Variants in FSHR observed in about 807,000 individuals in gnomAD.
The protein encoded by FSHR is follicle-stimulating hormone receptor.
FSHR carries 46 observed loss-of-function variants against 52.1 expected under a neutral mutation model. That is an observed-to-expected ratio of 0.88 (90% CI 0.70 to 1.13). The LOEUF (loss-of-function observed/expected upper bound fraction) is 1.13. FSHR is among the 50% of genes most tolerant of loss of function. The probability of loss-of-function intolerance (pLI) is 0.00; values close to 1 mark genes in which losing one functional copy is unlikely to be tolerated. For synonymous variants in FSHR, 399 were observed against 309.6 expected (o/e 1.29, Z -3.03); for missense variants, 964 against 834.6 (o/e 1.16, Z -1.91).
intron 1 of FSHR, among the ~76,000 whole-genome samples, chr2:49,078,198 T>C (rs916946020): frequency 6.6e-6 from 1 of 152,214 alleles, no homozygotes; most frequent in Non-Finnish European, 1.5e-5. Context: ...CTCACAATCA[T>C]GGTGGAAAGC....
intron 8 of FSHR, among the ~76,000 whole-genome samples, chr2:48,981,090 G>A (rs532758446): frequency 1.3e-5 from 2 of 152,232 alleles, no homozygotes; most frequent in African/African-American, 4.8e-5. Context: ...TTTGTCTCCC[G>A]AGTACTCTAA....
chr2:49,021,857 C>CTATATATA (rs1218938323), intron 2 of FSHR, among the ~76,000 whole-genome samples: 1 of 37,700 alleles, frequency 2.7e-5, no homozygotes, highest in African/African-American at 1.1e-4. Flanking sequence ...CTCTCTCTCT[C>CTATATATA]TCTCTCTATA....
rs918837010 is a variant in FSHR at position 48,962,489 on chromosome 2, C to CAT, written c.*242_*243dup. ...CTTTGAACATAACGTGCAAAAATAA[C>CAT]ATATATAAGGATAAAATATGTAATA... On this transcript the variant is annotated 3_prime_UTR_variant, in exon 10 of 10. Coordinates refer to ENST00000406846, the MANE Select transcript of FSHR (RefSeq NM_000145.4). 2 of 495,166 alleles carry CAT rather than the reference C, an allele frequency of 4.0e-6. No individual in the cohort carries two copies. Among genetic ancestry groups the CAT allele is most frequent in the African/African-American group, 3.9e-5 (2 of 51,630 alleles). 30.7% of individuals were successfully genotyped at this position (495,166 alleles called of 1,614,324 possible).
intron 2 of FSHR, among the ~76,000 whole-genome samples, chr2:49,058,789 A>C (rs1376524212): frequency 1.3e-5 from 2 of 152,224 alleles, no homozygotes; most frequent in African/African-American, 4.8e-5. Flanking sequence ...AACACTAATG[A>C]GGTAAATTGA....
intron 2 of FSHR, among the ~76,000 whole-genome samples, chr2:49,061,569 C>T (rs11125203): frequency 0.35 from 49,434 of 142,336 alleles, 9,168 homozygotes; most frequent in East Asian, 0.49. Context: ...TATAAATATA[C>T]ATATTTAGAT....
intron 2 of FSHR, among the ~76,000 whole-genome samples, chr2:49,065,058 G>C (rs768283356): frequency 6.6e-6 from 1 of 152,084 alleles, no homozygotes; most frequent in Non-Finnish European, 1.5e-5. Context: ...ATTGTCCAAA[G>C]AACAAGCTGT....
At chr2:49,127,878 TTCTTCTTCTTCTTCTTCTTC>T (rs1558456998) in intron 1 of FSHR, among the ~76,000 whole-genome samples, 1,380 of 49,768 alleles carry the variant, frequency 0.028, 137 homozygotes, top group Middle Eastern at 0.056. Context: ...CTTCTTCTTC[TTCTTCTTCTTCTTCTTCTTC>T]TTTTTTTTTT....
intron 2 of FSHR, among the ~76,000 whole-genome samples, chr2:49,047,677 C>A (rs1468780057): frequency 2.6e-5 from 4 of 152,162 alleles, no homozygotes; most frequent in South Asian, 2.1e-4. Flanking sequence ...GTTGGAGGAG[C>A]CAGTTTACAA....
chr2:48,984,842 C>G (rs920102028), intron 6 of FSHR, among the ~76,000 whole-genome samples: 2 of 152,126 alleles, frequency 1.3e-5, no homozygotes, highest in African/African-American at 4.8e-5. Flanking sequence ...AAAACATAAA[C>G]TAATTTTAAA....
At chr2:49,036,228 T>C (rs1394870774) in intron 2 of FSHR, among the ~76,000 whole-genome samples, 2 of 152,196 alleles carry the variant, frequency 1.3e-5, no homozygotes, top group African/African-American at 4.8e-5. Context: ...GTACGGTGGC[T>C]GATTTTGTTC....
At chr2:49,151,406 G>T (rs1219636589) in intron 1 of FSHR, among the ~76,000 whole-genome samples, 1 of 152,066 alleles carries the variant, frequency 6.6e-6, no homozygotes, top group Non-Finnish European at 1.5e-5. Context: ...AAAGCAAATA[G>T]TAGGAGCCCC....
At chr2:49,035,079 A>T (rs1429016515) in intron 2 of FSHR, among the ~76,000 whole-genome samples, 1 of 152,194 alleles carries the variant, frequency 6.6e-6, no homozygotes, top group African/African-American at 2.4e-5. Context: ...ACGTGTTTCA[A>T]CGTCTTTAAG....
intron 1 of FSHR, among the ~76,000 whole-genome samples, chr2:49,078,391 A>T (rs1670034483): frequency 1.3e-5 from 2 of 152,186 alleles, no homozygotes; most frequent in Non-Finnish European, 2.9e-5. Context: ...ATACTAGCCA[A>T]ACCATATCAG....
intron 1 of FSHR, among the ~76,000 whole-genome samples, chr2:49,100,534 G>A (rs1670988069): frequency 6.6e-6 from 1 of 152,164 alleles, no homozygotes; most frequent in Non-Finnish European, 1.5e-5. Flanking sequence ...GAAAGTCTTT[G>A]TGTTTCTCCC....
chr2:48,971,808 C>T (rs1194201067), intron 8 of FSHR, among the ~76,000 whole-genome samples: 1 of 152,100 alleles, frequency 6.6e-6, no homozygotes, highest in Non-Finnish European at 1.5e-5. Flanking sequence ...TTTATGCCTT[C>T]CTGGTAACTT....
chr2:49,045,706 C>A (rs1038358772), intron 2 of FSHR, among the ~76,000 whole-genome samples: 1 of 152,180 alleles, frequency 6.6e-6, no homozygotes, highest in African/African-American at 2.4e-5. Context: ...AAAAGGCCAG[C>A]TTTGCACTTG....
chr2:49,012,948 G>A (rs1667325073), intron 4 of FSHR, among the ~76,000 whole-genome samples: 2 of 152,112 alleles, frequency 1.3e-5, no homozygotes, highest in African/African-American at 4.8e-5. Context: ...TTTGGAAATA[G>A]AACTTCTGGT....
intron 1 of FSHR, among the ~76,000 whole-genome samples, chr2:49,127,844 C>A (rs1558456789): frequency 4.8e-5 from 1 of 20,992 alleles, no homozygotes; most frequent in East Asian, 2.6e-3. Context: ...TCTTCTTCTT[C>A]TTCTTCTTCT....
At chr2:48,991,737 C>T (rs907261861) in intron 4 of FSHR, among the ~76,000 whole-genome samples, 10 of 152,168 alleles carry the variant, frequency 6.6e-5, no homozygotes, top group South Asian at 2.1e-4. Context: ...AATTATTGGA[C>T]GCATTGTTCT....
Sources: allele counts gnomAD v4.1 joint callset (sites outside exome capture counted in the v4.1 genomes callset), GRCh38; gene constraint gnomAD v4.1.1; transcripts MANE v1.5; gene names NCBI Gene and HGNC (gene_info 2026-07-23, HGNC 2026-07-21).